The following PTPRO variants were observed in gnomAD, a reference collection of about 807,000 sequenced individuals.
The protein encoded by PTPRO is receptor-type tyrosine-protein phosphatase O.
A neutral mutation model predicts 145.2 loss-of-function variants in PTPRO; 62 were observed. The ratio of observed to expected loss-of-function variants is 0.43; its 90% CI spans 0.35 to 0.53. The LOEUF (loss-of-function observed/expected upper bound fraction) is 0.53, where lower values mean the gene tolerates loss of function less well. Ranked by LOEUF, PTPRO falls within the 20% of genes least tolerant of loss-of-function variation. The pLI is 0.01. For missense variants in PTPRO, 1,345 were observed against 1,482.7 expected, an observed-to-expected ratio of 0.91 and a Z score of 1.53; for synonymous variants, 565 against 514.7, an observed-to-expected ratio of 1.10 and a Z score of -1.32.
chr12:15,566,420 G>A (rs1943900100), intron 18 of PTPRO, among the ~76,000 whole-genome samples: 1 of 152,104 alleles, frequency 6.6e-6, no homozygotes, highest in Non-Finnish European at 1.5e-5. Context: ...ATGTAAAAAT[G>A]TTTCTAGTTA....
rs1942429901 is a variant in PTPRO, at chr12:15,511,022, A to AAAAAT, written c.1464+2255_1464+2256insAAAAT. 1.9e-4 allele frequency among the ~76,000 whole-genome samples: 29 copies of AAAAAT among 149,868 alleles called. 1 individual carries two copies. In the South Asian group the frequency reaches 6.1e-3, roughly 31 times the overall value. On this transcript the variant is annotated intron_variant, in intron 7 of 26. Coordinates refer to ENST00000281171, the MANE Select transcript of PTPRO (RefSeq NM_030667.3). Reference sequence around the variant, plus strand: ...TCTCCACAAAAAAAAAAAAAAAAAAATTGCCTATCATGTACTTACTTCAAT... The same window carrying AAAAAT: ...TCTCCACAAAAAAAAAAAAAAAAAAAAAAATTTGCCTATCATGTACTTACTTCAAT...
intron 25 of PTPRO, among the ~76,000 whole-genome samples, chr12:15,590,879 T>G (rs1944536828): frequency 6.6e-6 from 1 of 152,222 alleles, no homozygotes; most frequent in Admixed American, 6.5e-5. Context: ...GTCCACTGTC[T>G]GGTGAGTAAA....
At chr12:15,569,910 C>A (rs1349398969) in intron 19 of PTPRO, among the ~76,000 whole-genome samples, 1 of 152,160 alleles carries the variant, frequency 6.6e-6, no homozygotes, top group African/African-American at 2.4e-5. Flanking sequence ...AAACTGACCC[C>A]CTTTGTGTCC....
rs1339288192 is a variant in PTPRO, at chr12:15,557,482, T to C, written c.2586T>C (p.Asn862=). The C allele has an allele frequency of 1.2e-6, 2 of 1,614,002 alleles. No homozygotes were observed. Among genetic ancestry groups the C allele is most frequent in the African/African-American group, 2.7e-5 (2 of 75,048 alleles). The part of the protein sequence containing the change: ...ARECGAGTFV[N]FASLERDGKL... ...AGTGTGGAGCTGGTACATTTGTCAA[T>C]TTTGCATCCTTAGAGAGGGATGGAA... Residue 862 remains asparagine, a synonymous_variant, in exon 16 of 27, where the codon AAT becomes AAC. Coordinates refer to ENST00000281171, the MANE Select transcript of PTPRO (RefSeq NM_030667.3).
intron 1 of PTPRO, among the ~76,000 whole-genome samples, chr12:15,437,003 C>G (rs776437916): frequency 6.6e-6 from 1 of 151,996 alleles, no homozygotes; most frequent in Non-Finnish European, 1.5e-5. Flanking sequence ...GATCGTGGTG[C>G]AACAGAGCCC....
Position 15,569,546 on chromosome 12 carries a change from G to A in PTPRO, c.2829+48G>A, listed in dbSNP as rs776768827. The A allele has an allele frequency of 2.7e-6, 4 of 1,501,988 alleles. No homozygotes were observed. The South Asian group carries it at 4.5e-5, about 17-fold the overall frequency. The allele number at this position is 1,501,988 out of a possible 1,614,324, so 93.0% of individuals were successfully genotyped here. A position where few individuals can be genotyped will look rare whatever the true frequency, so the allele number is the denominator to read the frequency against. On this transcript the variant is annotated intron_variant, in intron 19 of 26. Coordinates refer to ENST00000281171, the MANE Select transcript of PTPRO (RefSeq NM_030667.3). The stretch of plus-strand genomic sequence containing the variant: ...TACCTTCTGTAATGGAAAGGGCCTG[G>A]GAATTGGGGGGTTTGTGTTGCGGTC...
At chr12:15,555,838 T>G (rs1329139422) in intron 15 of PTPRO, among the ~76,000 whole-genome samples, 2 of 152,228 alleles carry the variant, frequency 1.3e-5, no homozygotes, top group Non-Finnish European at 2.9e-5. Flanking sequence ...TATATTGAAA[T>G]ATGATAATCA....
chr12:15,499,688 G>A, intron 4 of PTPRO, 94 bp downstream of exon 4: 1 of 1,402,726 alleles, frequency 7.1e-7, no homozygotes, highest in Middle Eastern at 1.8e-4. Flanking sequence ...TTCTGATCCA[G>A]AGCAAAGAAA....
intron 1 of PTPRO, among the ~76,000 whole-genome samples, chr12:15,418,350 AGTACCTG>A (rs1940040737): frequency 1.3e-5 from 2 of 151,722 alleles, no homozygotes; most frequent in Non-Finnish European, 2.9e-5. Context: ...CTAGATTCCC[AGTACCTG>A]GCACAGAGAT....
chr12:15,325,397 G>C (rs994321684), intron 1 of PTPRO, among the ~76,000 whole-genome samples: 2 of 152,182 alleles, frequency 1.3e-5, no homozygotes, highest in African/African-American at 4.8e-5. Flanking sequence ...CTTATCCATG[G>C]AGCAGTGATG....
rs1182942083 is a variant in PTPRO, at chr12:15,516,920, T to C, written c.1743T>C (p.Tyr581=). ...ATMTSEWTTY[Y]EIAATVSLTA... ...TGACATCAGAGTGGACCACCTACTA[T>C]GAAATAGCAGCAACTGTTTCCTTAA... Residue 581 remains tyrosine (Y), a synonymous_variant, in exon 9 of 27, where the codon TAT becomes TAC. Transcript: ENST00000281171. The C allele has an allele frequency of 6.2e-7, 1 of 1,613,874 alleles. No homozygotes were observed. Among genetic ancestry groups the C allele is most frequent in the Non-Finnish European group, 8.5e-7 (1 of 1,179,724 alleles).
intron 1 of PTPRO, among the ~76,000 whole-genome samples, chr12:15,483,540 T>C (rs1416553258): frequency 6.6e-6 from 1 of 152,126 alleles, no homozygotes; most frequent in Non-Finnish European, 1.5e-5. Flanking sequence ...CCTTGATATA[T>C]TCTGCTAGCA....
At chr12:15,349,751 T>C (rs1053876358) in intron 1 of PTPRO, among the ~76,000 whole-genome samples, 5 of 152,134 alleles carry the variant, frequency 3.3e-5, no homozygotes, top group African/African-American at 1.2e-4. Flanking sequence ...TAATTCACTC[T>C]ACCATGGCAG....
chr12:15,526,609 GCT>G (rs1329807913), intron 12 of PTPRO, among the ~76,000 whole-genome samples: 1 of 152,040 alleles, frequency 6.6e-6, no homozygotes, highest in Non-Finnish European at 1.5e-5. Flanking sequence ...ATTATGTAAT[GCT>G]CTCTTTAATA....
chr12:15,526,101 T>C, intron 11 of PTPRO, 41 bp from the exon 12 acceptor site: 1 of 1,613,238 alleles, frequency 6.2e-7, no homozygotes, highest in Non-Finnish European at 8.5e-7. Flanking sequence ...CACTGATTCA[T>C]TCACTAAAAG....
chr12:15,541,684 C>T (rs1418764886), intron 12 of PTPRO, among the ~76,000 whole-genome samples: 3 of 152,166 alleles, frequency 2.0e-5, no homozygotes, highest in Non-Finnish European at 2.9e-5. Flanking sequence ...AGAGCACGTG[C>T]TAACAGCTTC....
At position 15,433,438 on chromosome 12, in the gene PTPRO, C is replaced by T. The variant is rs192692430; in HGVS notation, c.76-50536C>T. 4.5e-4 allele frequency among the ~76,000 whole-genome samples: 69 copies of T among 152,306 alleles called. No individual in the cohort carries two copies. The East Asian group carries it at 0.011, about 23-fold the overall frequency. On this transcript the variant is annotated intron_variant, in intron 1 of 26. Coordinates refer to ENST00000281171, the MANE Select transcript of PTPRO (RefSeq NM_030667.3). ...GACCTCATGATCCGCCCGCCTTGGC[C>T]TCCCAAAGTGCTGGGATTACAGGCG... is the stretch of plus-strand genomic sequence containing the variant.
chr12:15,349,217 C>A (rs1937708517), intron 1 of PTPRO, among the ~76,000 whole-genome samples: 1 of 152,042 alleles, frequency 6.6e-6, no homozygotes, highest in Admixed American at 6.6e-5. Flanking sequence ...AGAGAACAAA[C>A]CATTTTAAGA....
chr12:15,334,564 T>G (rs1591709659), intron 1 of PTPRO, among the ~76,000 whole-genome samples: 1 of 152,194 alleles, frequency 6.6e-6, no homozygotes, highest in Non-Finnish European at 1.5e-5. Flanking sequence ...TACATAATCT[T>G]GTAATGCACT....
Sources: gnomAD v4.1 joint callset for allele counts (sites outside exome capture counted in the v4.1 genomes callset) on GRCh38, gnomAD v4.1.1 for gene constraint, MANE v1.5 for transcripts, NCBI Gene and HGNC (gene_info 2026-07-23, HGNC 2026-07-21) for gene names.